The following MROH7 variants were observed in gnomAD, a reference collection of about 807,000 sequenced individuals.
MROH7 encodes maestro heat-like repeat-containing protein family member 7.
Under a neutral mutation model 129.2 loss-of-function variants are expected in MROH7, and 113 were observed. The observed-to-expected ratio is 0.87, with a 90% CI of 0.75 to 1.02. The LOEUF (loss-of-function observed/expected upper bound fraction) is 1.02. Among genes scored for constraint, MROH7 ranks in the 50% least tolerant of loss-of-function variants. The pLI is 0.00. For missense variants in MROH7, 1,601 were observed against 1,671.3 expected (o/e 0.96, Z 0.73); for synonymous variants, 655 against 667.9 (o/e 0.98, Z 0.30).
At chr1:54,673,977 A>G in intron 9 of MROH7, 39 bp from the exon 10 acceptor site, 1 of 1,607,740 alleles carries the variant, frequency 6.2e-7, no homozygotes, top group Admixed American at 1.7e-5. Context: ...GCATTATTGA[A>G]CCTATAACAC....
rs913645500 is a variant in MROH7 at position 54,668,929 on chromosome 1, A to G, written c.1381A>G (p.Lys461Glu). Residue 461 changes from lysine to glutamate, a missense_variant, in exon 5 of 24, where the codon AAG (lysine) becomes GAG (glutamate). Coordinates refer to ENST00000421030, the MANE Select transcript of MROH7 (RefSeq NM_001039464.4). ...AGGAGAAAAGAAGACCATGATAAAG[A>G]AGATTATGGTGGGGGAGCCACAGGC... ...AEGEKKTMIK[K>E]IMRQIQEEPL... The G allele has an allele frequency of 1.9e-6, 3 of 1,612,088 alleles. No individual in the cohort carries two copies. The highest frequency in any genetic ancestry group is 2.7e-5 in the African/African-American group (2 of 74,820).
At chr1:54,669,264 T>C (rs1206895004) in intron 5 of MROH7, among the ~76,000 whole-genome samples, 1 of 152,208 alleles carries the variant, frequency 6.6e-6, no homozygotes, top group Non-Finnish European at 1.5e-5. Flanking sequence ...TATTACTTAA[T>C]ACATTCTTTT....
chr1:54,665,236 C>A lies in MROH7; in HGVS notation c.1301C>A (p.Ala434Asp), dbSNP rs1420064529. ...PEKTEGGNNM[A>D]LVENVTTLQK... ...AAGACAGAAGGTGGCAACAACATGG[C>A]TCTGGTATGCCTCCTGCCCAACCCC... The change falls in exon 4 of 24, where the codon GCT (alanine) becomes GAT (aspartate). Residue 434 changes from alanine (A) to aspartate (D), a missense_variant. Coordinates refer to ENST00000421030, the MANE Select transcript of MROH7 (RefSeq NM_001039464.4). The A allele has an allele frequency of 6.2e-7, 1 of 1,613,224 alleles. No individual in the cohort carries two copies. Among genetic ancestry groups the A allele is most frequent in the Non-Finnish European group, 8.5e-7 (1 of 1,179,478 alleles).
chr1:54,684,098 T>G (rs1645111112), intron 14 of MROH7, among the ~76,000 whole-genome samples: 1 of 152,246 alleles, frequency 6.6e-6, no homozygotes, highest in African/African-American at 2.4e-5. Context: ...ATTTTTTCAA[T>G]AAGTGTTTAG....
At chr1:54,681,609 C>T (rs922005289) in intron 13 of MROH7, among the ~76,000 whole-genome samples, 1 of 152,176 alleles carries the variant, frequency 6.6e-6, no homozygotes, top group Non-Finnish European at 1.5e-5. Context: ...GGTTGAAACC[C>T]TCTTGTAGAA....
intron 16 of MROH7, among the ~76,000 whole-genome samples, chr1:54,694,353 A>G (rs1254404376): frequency 6.6e-6 from 1 of 152,218 alleles, no homozygotes; most frequent in Non-Finnish European, 1.5e-5. Flanking sequence ...CTGATGGTGG[A>G]GCATAATGCA....
chr1:54,682,156 C>G (rs941145270), intron 13 of MROH7, among the ~76,000 whole-genome samples: 4 of 130,322 alleles, frequency 3.1e-5, no homozygotes, highest in Non-Finnish European at 4.7e-5. Flanking sequence ...TTCTTTCTTT[C>G]TTTCTTTTTT....
intron 1 of MROH7, among the ~76,000 whole-genome samples, chr1:54,647,438 C>T (rs1644483792): frequency 1.3e-5 from 2 of 151,846 alleles, no homozygotes; most frequent in African/African-American, 4.8e-5. Flanking sequence ...TGGTGAAACC[C>T]CGTCTCTACT....
At chr1:54,700,218 C>T in intron 17 of MROH7, 103 bp from the exon 18 acceptor site, 1 of 1,483,102 alleles carries the variant, frequency 6.7e-7, no homozygotes, top group Non-Finnish European at 9.3e-7. Context: ...AAGCTCCGGG[C>T]AGAGCTGAGC....
intron 8 of MROH7, among the ~76,000 whole-genome samples, chr1:54,673,479 C>T (rs182330529): frequency 6.6e-6 from 1 of 152,274 alleles, no homozygotes; most frequent in East Asian, 1.9e-4. Flanking sequence ...CATGACTCTT[C>T]ACTCTTCATC....
chr1:54,709,206 G>GTTTT, intron 23 of MROH7, 130 bp downstream of exon 23: 1 of 871,200 alleles, frequency 1.1e-6, no homozygotes, highest in Admixed American at 2.1e-5. Context: ...AGTTGTACTA[G>GTTTT]TTTTTTGTTT....
intron 4 of MROH7, among the ~76,000 whole-genome samples, chr1:54,667,440 G>A (rs768397611): frequency 1.3e-5 from 2 of 150,274 alleles, no homozygotes; most frequent in African/African-American, 2.4e-5. Flanking sequence ...GGGCAACATC[G>A]TGAGACCCAG....
intron 15 of MROH7, among the ~76,000 whole-genome samples, chr1:54,687,783 G>T (rs887063124): frequency 2.6e-5 from 4 of 151,770 alleles, no homozygotes; most frequent in Admixed American, 2.0e-4. Flanking sequence ...TTTTATCTTT[G>T]CCAATATTAG....
intron 7 of MROH7, among the ~76,000 whole-genome samples, chr1:54,672,411 C>G (rs985763556): frequency 3.3e-5 from 5 of 152,002 alleles, no homozygotes; most frequent in Non-Finnish European, 4.4e-5. Flanking sequence ...AAGAGAGGGT[C>G]TTCTCAGAGT....
At chr1:54,692,640 T>G in intron 16 of MROH7, 79 bp downstream of exon 16, 1 of 1,454,596 alleles carries the variant, frequency 6.9e-7, no homozygotes, top group Admixed American at 2.0e-5. Flanking sequence ...GGACTTGGTC[T>G]GCATCTCTCC....
chr1:54,667,505 G>A (rs569440836), intron 4 of MROH7, among the ~76,000 whole-genome samples: 15 of 152,042 alleles, frequency 9.9e-5, no homozygotes, highest in African/African-American at 3.6e-4. Flanking sequence ...GCCCAGGCTG[G>A]AGTGCAATGG....
chr1:54,654,163 G>A lies in MROH7; in HGVS notation c.1231+6G>A. On this transcript the variant is annotated splice_donor_region_variant and intron_variant, in intron 3 of 23. Coordinates refer to ENST00000421030, the MANE Select transcript of MROH7 (RefSeq NM_001039464.4). ...CTTGCAAGGCATCCCTGAGGGTAAGGCCAGGGCCGCAGCCCTAGAGAGAGC... is the reference window on the plus strand; with the variant it reads ...CTTGCAAGGCATCCCTGAGGGTAAGACCAGGGCCGCAGCCCTAGAGAGAGC... 3 of 1,597,970 alleles carry A rather than the reference G, an allele frequency of 1.9e-6. No homozygotes were observed. Among genetic ancestry groups the A allele is most frequent in the Admixed American group, 1.7e-5 (1 of 58,508 alleles).
At chr1:54,655,126 T>G (rs1644623578) in intron 3 of MROH7, among the ~76,000 whole-genome samples, 1 of 151,680 alleles carries the variant, frequency 6.6e-6, no homozygotes, top group African/African-American at 2.4e-5. Flanking sequence ...GTGATTCTCC[T>G]GCCTCAGCCT....
chr1:54,706,981 T>C (rs147493926), intron 22 of MROH7, among the ~76,000 whole-genome samples: 16 of 152,330 alleles, frequency 1.1e-4, no homozygotes, highest in African/African-American at 3.8e-4. Context: ...CTCAGTTTCC[T>C]CATCTGTAAG....
Sources: gnomAD v4.1 joint callset for allele counts (sites outside exome capture counted in the v4.1 genomes callset) on GRCh38, gnomAD v4.1.1 for gene constraint, MANE v1.5 for transcripts, NCBI Gene and HGNC (gene_info 2026-07-23, HGNC 2026-07-21) for gene names.